MROH2B: variants seen among roughly 807,000 people sequenced by gnomAD.
MROH2B encodes the protein maestro heat like repeat family member 2B.
A neutral mutation model predicts 208.6 loss-of-function variants in MROH2B; 177 were observed. That is an observed-to-expected ratio of 0.85 (90% CI 0.75 to 0.96). The LOEUF is 0.96. MROH2B is among the 40% of genes least tolerant of loss of function. MROH2B has a pLI of 0.00. For missense variants in MROH2B, 2,002 were observed against 1,878.7 expected (o/e 1.07, Z -1.21); for synonymous variants, 728 against 659.0 (o/e 1.10, Z -1.60).
At chr5:41,007,257 T>C in intron 34 of MROH2B, 57 bp downstream of exon 34, 1 of 1,368,696 alleles carries the variant, frequency 7.3e-7, no homozygotes, top group East Asian at 2.9e-5. Flanking sequence ...CACTTTTGTT[T>C]GTTTGTTTGT....
At chr5:41,018,081 T>A in intron 27 of MROH2B, 111 bp from the exon 28 acceptor site, 11 of 1,388,946 alleles carry the variant, frequency 7.9e-6, no homozygotes, top group Non-Finnish European at 9.6e-6. Flanking sequence ...GTCCTTAGAA[T>A]GAAATTTGAT....
intron 25 of MROH2B, 33 bp downstream of exon 25, chr5:41,018,850 C>G: frequency 6.2e-7 from 1 of 1,613,778 alleles, no homozygotes; most frequent in Non-Finnish European, 8.5e-7. Context: ...CCACTGCAGA[C>G]TGTCATCCTA....
intron 41 of MROH2B, 80 bp from the exon 42 acceptor site, chr5:40,998,238 C>A (rs1477616193): frequency 5.4e-6 from 6 of 1,102,506 alleles, no homozygotes; most frequent in East Asian, 4.8e-5. Flanking sequence ...CAAGGCCCAA[C>A]TTTTTAGCAC....
chr5:41,033,461 T>C (rs1742644055), intron 22 of MROH2B, among the ~76,000 whole-genome samples: 1 of 152,060 alleles, frequency 6.6e-6, no homozygotes, highest in African/African-American at 2.4e-5. Context: ...ATGCCCCAAA[T>C]ATGTTTAATA....
intron 34 of MROH2B, 108 bp from the exon 35 acceptor site, chr5:41,005,753 G>C (rs940108940): frequency 2.1e-6 from 2 of 933,942 alleles, no homozygotes; most frequent in East Asian, 2.7e-5. Context: ...ATGCTTGGCT[G>C]GGGGTGGTGG....
In MROH2B at chr5:41,000,351, C is replaced by G. The variant is rs1234295107; in HGVS notation, c.4351G>C (p.Ala1451Pro). 3.1e-6 allele frequency: 5 copies of G among 1,612,638 alleles called. No individual in the cohort carries two copies. The highest frequency in any genetic ancestry group is 4.2e-6 in the Non-Finnish European group (5 of 1,179,516). Reference protein sequence around the residue: ...LWDPNPKIGVACRDVLMVCIP... With the variant: ...LWDPNPKIGVPCRDVLMVCIP... Reference sequence around the variant, plus strand: ...CAGACCATCAAGACATCACGGCAAGCCTGGAAAACAGAGTTTTCTGCATCA... The same window carrying G: ...CAGACCATCAAGACATCACGGCAAGGCTGGAAAACAGAGTTTTCTGCATCA... The change falls in exon 39 of 42, where the codon GCT becomes CCT. Residue 1451 changes from alanine (A) to proline (P), a missense_variant and splice_region_variant. Coordinates refer to ENST00000399564, the MANE Select transcript of MROH2B (RefSeq NM_173489.5).
rs1273300314 is a variant in MROH2B at position 41,055,733 on chromosome 5, C to T, written c.1033+9G>A. 1.2e-6 allele frequency: 2 copies of T among 1,607,862 alleles called. No homozygotes were observed. The highest frequency in any genetic ancestry group is 1.1e-5 in the South Asian group (1 of 90,956). ...AATAAACCATGTTGGCTTCAACCCT[C>T]TTGCTTACCATCAGCATTGACAGCC... On this transcript the variant is annotated intron_variant, in intron 10 of 41. Coordinates refer to ENST00000399564, the MANE Select transcript of MROH2B (RefSeq NM_173489.5).
rs545800898 is a variant in MROH2B at position 41,033,096 on chromosome 5, G to C, written c.2306C>G (p.Ala769Gly). The change falls in exon 23 of 42, where the codon GCT becomes GGT. Residue 769 changes from alanine (A) to glycine (G), a missense_variant. By Grantham distance (60) the Ala-to-Gly change is moderately conservative. Transcript: ENST00000399564. Reference sequence around the variant, plus strand: ...GGAAAACTGGAACCCCTGATCCTCAGCATCTTGGACAGCAATGCCAATCTC... The same window carrying C: ...GGAAAACTGGAACCCCTGATCCTCACCATCTTGGACAGCAATGCCAATCTC... The part of the protein sequence containing the change: ...ITEIGIAVQD[A>G]EDQGFQFSYK... The C allele has an allele frequency of 1.1e-5, 18 of 1,613,118 alleles. No homozygotes were observed. In the African/African-American group the frequency reaches 2.0e-4, roughly 18 times the overall value.
At chr5:41,037,908 A>G (rs527373979) in intron 21 of MROH2B, among the ~76,000 whole-genome samples, 1 of 152,330 alleles carries the variant, frequency 6.6e-6, no homozygotes, top group Non-Finnish European at 1.5e-5. Context: ...TGTCAGCAAA[A>G]TGGGTGAATT....
Position 40,998,143 on chromosome 5 carries a change from C to T in MROH2B, c.4667G>A (p.Arg1556His), listed in dbSNP as rs146755507. ...EQLTTRLQALRQDPCISVQRA... is the reference protein window; with the variant it reads ...EQLTTRLQALHQDPCISVQRA... ...CTGGACACTAATACACGGATCTTGA[C>T]GAAGTGCTTGGAGTCCTGAAATGGC... Residue 1556 changes from arginine (R) to histidine (H), a missense_variant, in exon 42 of 42, where the codon CGT becomes CAT. Arg to His is a conservative substitution (Grantham distance 29). Transcript: ENST00000399564. 8.3e-4 allele frequency: 1,334 copies of T among 1,611,102 alleles called. 2 individuals are homozygous for T. Among genetic ancestry groups the T allele is most frequent in the Non-Finnish European group, 1.1e-3 (1,269 of 1,177,802 alleles).
intron 31 of MROH2B, 114 bp downstream of exon 31, chr5:41,009,808 G>C: frequency 4.0e-6 from 4 of 997,460 alleles, no homozygotes; most frequent in Non-Finnish European, 5.7e-6. Context: ...TTGTTATTCA[G>C]ATGAGCTATT....
At chr5:41,007,559 C>G (rs937830440) in intron 33 of MROH2B, 105 bp from the exon 34 acceptor site, 1 of 1,108,952 alleles carries the variant, frequency 9.0e-7, no homozygotes, top group African/African-American at 1.6e-5. Context: ...CACCCCTGGA[C>G]TAGGGGATGT....
intron 2 of MROH2B, among the ~76,000 whole-genome samples, chr5:41,068,397 A>C: frequency 1.3e-5 from 2 of 152,238 alleles, no homozygotes; most frequent in East Asian, 3.9e-4. Context: ...ACATTCCTGG[A>C]ACTGTGCCAG....
At chr5:41,067,486 C>G (rs1579964480) in intron 2 of MROH2B, among the ~76,000 whole-genome samples, 1 of 152,072 alleles carries the variant, frequency 6.6e-6, no homozygotes, top group Non-Finnish European at 1.5e-5. Context: ...CCTGCCTCAG[C>G]CTCCCGAGTA....
chr5:40,998,583 T>C (rs915444829), intron 41 of MROH2B, 29 bp downstream of exon 41: 4 of 1,547,942 alleles, frequency 2.6e-6, no homozygotes, highest in Middle Eastern at 1.7e-4. Context: ...TGTAACAATA[T>C]GCTGGGAAGA....
chr5:41,067,649 T>C (rs182940145), intron 2 of MROH2B, among the ~76,000 whole-genome samples: 47 of 152,328 alleles, frequency 3.1e-4, no homozygotes, highest in African/African-American at 1.1e-3. Flanking sequence ...ATTACAGGCA[T>C]GAGCCACCGT....
At chr5:41,028,185 A>T (rs1181769624) in intron 24 of MROH2B, among the ~76,000 whole-genome samples, 1 of 152,216 alleles carries the variant, frequency 6.6e-6, no homozygotes, top group African/African-American at 2.4e-5. Flanking sequence ...CTTAAAGTAT[A>T]TATAAAAAAA....
At chr5:41,007,685 C>CA (rs1741640755) in intron 33 of MROH2B, among the ~76,000 whole-genome samples, 1 of 152,018 alleles carries the variant, frequency 6.6e-6, no homozygotes, top group African/African-American at 2.4e-5. Flanking sequence ...ACACTCCCCC[C>CA]ATAAGAAAAA....
chr5:41,051,106 A>G lies in MROH2B; in HGVS notation c.1231-16T>C, dbSNP rs765508173. The G allele has an allele frequency of 3.0e-5, 45 of 1,499,532 alleles. No homozygotes were observed. The highest frequency in any genetic ancestry group is 3.8e-5 in the Non-Finnish European group (43 of 1,127,418). The allele number at this position is 1,499,532 out of a possible 1,614,324, so 92.9% of individuals were successfully genotyped here. ...CTGGTTTCTCCTTTAAGAAAGATCA[A>G]ACAGGTGACTTGTTAATGACTCCTA... On this transcript the variant is annotated splice_polypyrimidine_tract_variant and intron_variant, in intron 12 of 41. Coordinates refer to ENST00000399564, the MANE Select transcript of MROH2B (RefSeq NM_173489.5).
Sources: allele counts gnomAD v4.1 joint callset (sites outside exome capture counted in the v4.1 genomes callset), GRCh38; gene constraint gnomAD v4.1.1; transcripts MANE v1.5; gene names NCBI Gene and HGNC (gene_info 2026-07-23, HGNC 2026-07-21).